RPS6KA2: variants seen among roughly 807,000 people sequenced by gnomAD.
The protein encoded by RPS6KA2 is ribosomal protein S6 kinase alpha-2.
In RPS6KA2, 42 loss-of-function variants were observed where a neutral mutation model predicts 91.8. The ratio of observed to expected loss-of-function variants is 0.46; its 90% CI spans 0.36 to 0.59. RPS6KA2 has a LOEUF of 0.59. Ranked by LOEUF, RPS6KA2 falls within the 20% of genes least tolerant of loss-of-function variation. The pLI is 0.00. For synonymous variants in RPS6KA2, 414 were observed against 393.6 expected, an observed-to-expected ratio of 1.05 and a Z score of -0.61; for missense variants, 798 against 978.5, an observed-to-expected ratio of 0.82 and a Z score of 2.46.
At chr6:166,417,935 A>G (rs749511354) in intron 19 of RPS6KA2, among the ~76,000 whole-genome samples, 1 of 151,786 alleles carries the variant, frequency 6.6e-6, no homozygotes, top group Non-Finnish European at 1.5e-5. Flanking sequence ...AAAATACAAA[A>G]GAGTTAGTCG....
intron 1 of RPS6KA2, among the ~76,000 whole-genome samples, chr6:166,575,720 A>G (rs1198988200): frequency 6.6e-6 from 1 of 152,234 alleles, no homozygotes; most frequent in East Asian, 1.9e-4. Flanking sequence ...TAATGGGTCC[A>G]CTGCCTCTTT....
intron 2 of RPS6KA2, among the ~76,000 whole-genome samples, chr6:166,850,076 T>A (rs1476705656): frequency 6.6e-6 from 1 of 152,206 alleles, no homozygotes; most frequent in Non-Finnish European, 1.5e-5. Context: ...GCAAGTGGGA[T>A]GTTTGGGTTC....
intron 2 of RPS6KA2, among the ~76,000 whole-genome samples, chr6:166,712,648 C>T (rs1789897326): frequency 1.3e-5 from 2 of 152,176 alleles, no homozygotes; most frequent in Admixed American, 1.3e-4. Context: ...GCCTCTCACG[C>T]CATGATGAGG....
At chr6:166,551,840 G>A (rs1232212831) in intron 1 of RPS6KA2, among the ~76,000 whole-genome samples, 1 of 152,202 alleles carries the variant, frequency 6.6e-6, no homozygotes, top group Non-Finnish European at 1.5e-5. Flanking sequence ...TAAGCTGACT[G>A]CTGAAATGCA....
intron 2 of RPS6KA2, among the ~76,000 whole-genome samples, chr6:166,796,818 G>C (rs1011568139): frequency 1.3e-5 from 2 of 151,468 alleles, no homozygotes; most frequent in East Asian, 3.9e-4. Flanking sequence ...ACAGTCCTGA[G>C]TGCACGCACG....
At chr6:166,790,959 C>T (rs368114362) in intron 2 of RPS6KA2, among the ~76,000 whole-genome samples, 4 of 152,254 alleles carry the variant, frequency 2.6e-5, no homozygotes, top group African/African-American at 4.8e-5. Context: ...CATCAACTAA[C>T]GAGCAAAATA....
intron 2 of RPS6KA2, among the ~76,000 whole-genome samples, chr6:166,642,844 G>C (rs9355589): frequency 0.16 from 24,739 of 152,210 alleles, 2,173 homozygotes; most frequent in East Asian, 0.22. Flanking sequence ...CGAATGTCAG[G>C]CACTGACCAC....
chr6:166,584,263 G>A (rs1785104912), intron 1 of RPS6KA2, among the ~76,000 whole-genome samples: 1 of 152,182 alleles, frequency 6.6e-6, no homozygotes, highest in African/African-American at 2.4e-5. Flanking sequence ...AAGAGCTCTG[G>A]TCTCTCTTCC....
chr6:166,668,349 G>A (rs781102238), intron 2 of RPS6KA2, among the ~76,000 whole-genome samples: 1 of 152,126 alleles, frequency 6.6e-6, no homozygotes, highest in South Asian at 2.1e-4. Flanking sequence ...AGAGCCCGTC[G>A]CTTTCAGCCA....
In RPS6KA2 at chr6:166,451,127, T is replaced by A. The variant is rs189613279; in HGVS notation, c.1182A>T (p.Lys394Asn). ...IQEPSQQDLH[K>N]VPVHPIVQQL... ...CCTGCACGATTGGGTGAACTGGGAC[T>A]TTGTGCAGATCTTGCTGTGAGGGCT... The change falls in exon 13 of 21, where the codon AAA (lysine) becomes AAT (asparagine). Residue 394 changes from lysine (K) to asparagine (N), a missense_variant. Transcript: ENST00000265678. 1.2e-6 allele frequency: 2 copies of A among 1,614,126 alleles called. No homozygotes were observed. Among genetic ancestry groups the A allele is most frequent in the East Asian group, 4.5e-5 (2 of 44,878 alleles).
chr6:166,705,392 A>G (rs1192568771), intron 2 of RPS6KA2, among the ~76,000 whole-genome samples: 1 of 152,214 alleles, frequency 6.6e-6, no homozygotes, highest in African/African-American at 2.4e-5. Context: ...ACAGCAGTCT[A>G]TGAAACACTA....
intron 2 of RPS6KA2, among the ~76,000 whole-genome samples, chr6:166,668,071 T>TG (rs1788368861): frequency 6.6e-6 from 1 of 151,834 alleles, no homozygotes; most frequent in Non-Finnish European, 1.5e-5. Context: ...GTGTGCAGGG[T>TG]GGGGCCAGGG....
intron 2 of RPS6KA2, among the ~76,000 whole-genome samples, chr6:166,699,277 G>A (rs1232911201): frequency 6.6e-6 from 1 of 152,124 alleles, no homozygotes; most frequent in Non-Finnish European, 1.5e-5. Flanking sequence ...CCACTTGAGA[G>A]GATCACAAAG....
rs1488575630 is a variant in RPS6KA2, at chr6:166,495,827, C to T, written c.747+2681G>A. On this transcript the variant is annotated intron_variant, in intron 8 of 20. Transcript: ENST00000265678. The surrounding 1 kb of genome is among the most constrained non-coding windows in gnomAD (Gnocchi z 4.4). ...GAGCCACCAGCCAGAGCCACCAACC[C>T]GGCCAGGGTCAGCAAAGGCCACTGG... is the stretch of plus-strand genomic sequence containing the variant. 5.3e-5 allele frequency among the ~76,000 whole-genome samples: 8 copies of T among 152,202 alleles called. No individual in the cohort carries two copies. Among genetic ancestry groups the T allele is most frequent in the South Asian group, 2.1e-4 (1 of 4,828 alleles).
intron 2 of RPS6KA2, among the ~76,000 whole-genome samples, chr6:166,637,423 T>C (rs1442648567): frequency 6.6e-6 from 1 of 152,192 alleles, no homozygotes; most frequent in Non-Finnish European, 1.5e-5. Context: ...TCCTCATTCC[T>C]GGCTCTGGCC....
At chr6:166,653,855 A>C (rs1787933208) in intron 2 of RPS6KA2, among the ~76,000 whole-genome samples, 1 of 152,240 alleles carries the variant, frequency 6.6e-6, no homozygotes, top group African/African-American at 2.4e-5. Flanking sequence ...TGCAAACAAA[A>C]CATGTTCATT....
intron 19 of RPS6KA2, among the ~76,000 whole-genome samples, chr6:166,416,442 AC>A (rs1472485227): frequency 1.3e-5 from 2 of 149,892 alleles, no homozygotes; most frequent in Non-Finnish European, 3.0e-5. Context: ...CTCCACAATC[AC>A]TACCATCATC....
intron 2 of RPS6KA2, among the ~76,000 whole-genome samples, chr6:166,707,346 C>T (rs1583037236): frequency 6.6e-6 from 1 of 152,192 alleles, no homozygotes; most frequent in Admixed American, 6.5e-5. Context: ...GGCAGGGAGA[C>T]TTTCAGGAAT....
At chr6:166,679,478 T>TA (rs1554246787) in intron 2 of RPS6KA2, among the ~76,000 whole-genome samples, 1 of 151,852 alleles carries the variant, frequency 6.6e-6, no homozygotes, top group East Asian at 1.9e-4. Context: ...ATAATAATAA[T>TA]AATAAATAAA....
Sources: gnomAD v4.1 joint callset for allele counts (sites outside exome capture counted in the v4.1 genomes callset) on GRCh38, gnomAD v4.1.1 for gene constraint, Gnocchi (gnomAD v3.1) non-coding constraint, MANE v1.5 for transcripts, NCBI Gene and HGNC (gene_info 2026-07-23, HGNC 2026-07-21) for gene names.